The following ERBB4 variants were observed in gnomAD, a reference collection of about 807,000 sequenced individuals.
ERBB4 encodes erb-b2 receptor tyrosine kinase 4, also known as receptor tyrosine-protein kinase erbB-4.
Under a neutral mutation model 158.0 loss-of-function variants are expected in ERBB4, and 42 were observed. The observed-to-expected ratio is 0.27, with a 90% CI of 0.21 to 0.34. The LOEUF (loss-of-function observed/expected upper bound fraction) is 0.34, where lower values mean the gene tolerates loss of function less well. ERBB4 is among the 10% of genes least tolerant of loss of function. ERBB4 has a pLI of 1.00. For missense variants in ERBB4, 1,333 were observed against 1,624.1 expected, an observed-to-expected ratio of 0.82 and a Z score of 3.08; for synonymous variants, 583 against 558.7, an observed-to-expected ratio of 1.04 and a Z score of -0.61.
chr2:211,952,147 T>C (rs2080890715), intron 2 of ERBB4, among the ~76,000 whole-genome samples: 1 of 152,046 alleles, frequency 6.6e-6, no homozygotes, highest in Non-Finnish European at 1.5e-5. Context: ...AAGAAACACA[T>C]CATGCCTTAT....
At chr2:211,721,336 A>G (rs564448356) in intron 7 of ERBB4, among the ~76,000 whole-genome samples, 1 of 151,200 alleles carries the variant, frequency 6.6e-6, no homozygotes, top group African/African-American at 2.4e-5. Context: ...AAGTCACATT[A>G]TATGTATAGC....
chr2:212,375,927 G>C (rs777275173), intron 1 of ERBB4, among the ~76,000 whole-genome samples: 5 of 152,078 alleles, frequency 3.3e-5, no homozygotes, highest in Non-Finnish European at 5.9e-5. Flanking sequence ...GTTTACAAAT[G>C]GATAACTTGT....
At chr2:212,371,756 G>A (rs6435700) in intron 1 of ERBB4, among the ~76,000 whole-genome samples, 24,422 of 151,982 alleles carry the variant, frequency 0.16, 2,921 homozygotes, top group African/African-American at 0.34. Flanking sequence ...GAGGATCAGC[G>A]CACTTTTGGC....
chr2:211,595,448 G>A (rs1418833789), intron 19 of ERBB4, among the ~76,000 whole-genome samples: 41 of 152,012 alleles, frequency 2.7e-4, no homozygotes, highest in Non-Finnish European at 5.9e-5. Flanking sequence ...AAATATATGT[G>A]GTCTGAGATA....
chr2:211,980,391 T>A (rs536805416), intron 2 of ERBB4, among the ~76,000 whole-genome samples: 15 of 152,198 alleles, frequency 9.9e-5, no homozygotes, highest in African/African-American at 2.2e-4. Flanking sequence ...GGTTAAAAAA[T>A]TTTTCATGAG....
At chr2:212,487,583 A>G (rs1262600570) in intron 1 of ERBB4, among the ~76,000 whole-genome samples, 1 of 152,026 alleles carries the variant, frequency 6.6e-6, no homozygotes, top group Non-Finnish European at 1.5e-5. Flanking sequence ...AAATTCAGCA[A>G]ATATGTGTTG....
At chr2:212,160,195 T>C (rs2081162559) in intron 1 of ERBB4, among the ~76,000 whole-genome samples, 1 of 151,964 alleles carries the variant, frequency 6.6e-6, no homozygotes, top group African/African-American at 2.4e-5. Flanking sequence ...AAGAACCAAT[T>C]AGTGTCACAG....
At chr2:211,441,560 T>C (rs1027817901) in intron 20 of ERBB4, among the ~76,000 whole-genome samples, 1 of 152,160 alleles carries the variant, frequency 6.6e-6, no homozygotes, top group Non-Finnish European at 1.5e-5. Flanking sequence ...TTTTGTTTGT[T>C]TGTTTTTCAG....
intron 20 of ERBB4, among the ~76,000 whole-genome samples, chr2:211,439,507 T>G (rs1184399628): frequency 6.6e-6 from 1 of 152,218 alleles, no homozygotes; most frequent in Non-Finnish European, 1.5e-5. Context: ...TGGCTTGTAA[T>G]CTACTGAGTA....
Position 211,772,852 on chromosome 2 carries a change from T to C in ERBB4, c.556+15173A>G, listed in dbSNP as rs1198914275. ...ATATATATACACATATATATATATA[T>C]ATATATATATATATATACACATATA... On this transcript the variant is annotated intron_variant, in intron 4 of 27. Transcript: ENST00000342788. Among the ~76,000 whole-genome samples the C allele has an allele frequency of 2.6e-3, 147 of 57,102 alleles. 3 individuals carry two copies. Among genetic ancestry groups the C allele is most frequent in the African/African-American group, 0.01 (126 of 12,478 alleles). The allele number at this position is 57,102 out of a possible 152,430, so 37.5% of individuals were successfully genotyped here.
intron 20 of ERBB4, among the ~76,000 whole-genome samples, chr2:211,441,283 T>C (rs986005312): frequency 3.3e-5 from 5 of 152,128 alleles, no homozygotes; most frequent in Admixed American, 1.3e-4. Context: ...AATATTACCA[T>C]AGAAGTACCA....
intron 2 of ERBB4, among the ~76,000 whole-genome samples, chr2:211,975,308 G>T (rs530921415): frequency 6.6e-6 from 1 of 152,234 alleles, no homozygotes; most frequent in South Asian, 2.1e-4. Context: ...CTGGCATTAA[G>T]GAAAAACAAT....
At chr2:211,589,921 A>G (rs1356958762) in intron 19 of ERBB4, among the ~76,000 whole-genome samples, 2 of 152,200 alleles carry the variant, frequency 1.3e-5, no homozygotes, top group Non-Finnish European at 2.9e-5. Flanking sequence ...AATTATCATT[A>G]TAAAAACTAT....
At chr2:212,333,243 A>G (rs1213564882) in intron 1 of ERBB4, among the ~76,000 whole-genome samples, 1 of 151,972 alleles carries the variant, frequency 6.6e-6, no homozygotes, top group African/African-American at 2.4e-5. Flanking sequence ...CTAGTTGCCA[A>G]TGTTTGGAGT....
intron 3 of ERBB4, among the ~76,000 whole-genome samples, chr2:211,853,804 CAA>C (rs2077779544): frequency 1.3e-5 from 2 of 152,114 alleles, no homozygotes; most frequent in African/African-American, 4.8e-5. Flanking sequence ...CATTTTACCA[CAA>C]TTTGTCAACA....
At chr2:211,434,462 T>C (rs1423121687) in intron 20 of ERBB4, among the ~76,000 whole-genome samples, 1 of 152,148 alleles carries the variant, frequency 6.6e-6, no homozygotes, top group Non-Finnish European at 1.5e-5. Flanking sequence ...CAACTAGGAA[T>C]CAGGTCCTCA....
In ERBB4 at chr2:212,053,565, C is replaced by A. The variant is rs115389616; in HGVS notation, c.234+71187G>T. Among the ~76,000 whole-genome samples the A allele has an allele frequency of 7.8e-3, 1,194 of 152,268 alleles. 11 individuals are homozygous for A. Among genetic ancestry groups the A allele is most frequent in the African/African-American group, 0.026 (1,095 of 41,546 alleles). ...TGCCATAGTAATTCTAAAAATGCCT[C>A]CATGATTGTGTGACTTTCCAGTTTA... is the stretch of plus-strand genomic sequence containing the variant. On this transcript the variant is annotated intron_variant, in intron 2 of 27. Coordinates refer to ENST00000342788, the MANE Select transcript of ERBB4 (RefSeq NM_005235.3).
At chr2:211,608,370 A>T (rs2069068499) in intron 19 of ERBB4, among the ~76,000 whole-genome samples, 1 of 152,144 alleles carries the variant, frequency 6.6e-6, no homozygotes, top group Non-Finnish European at 1.5e-5. Flanking sequence ...GAGGAGGCAG[A>T]GTAATGGTAT....
In ERBB4 at chr2:212,003,172, A is replaced by G. The variant is rs1350377089; in HGVS notation, c.235-55556T>C. Among the ~76,000 whole-genome samples the G allele has an allele frequency of 1.8e-3, 62 of 34,364 alleles. 2 individuals carry two copies. Among genetic ancestry groups the G allele is most frequent in the Non-Finnish European group, 3.3e-3 (31 of 9,372 alleles). The allele number at this position is 34,364 out of a possible 152,430, so 22.5% of individuals were successfully genotyped here. A position where few individuals can be genotyped will look rare whatever the true frequency, so the allele number is the denominator to read the frequency against. ...AGGAAAGAAAGAAAGAAAGAAAGAA[A>G]GAAAGAAAGAAAGAAAGAAAGAAAG... On this transcript the variant is annotated intron_variant, in intron 2 of 27. Coordinates refer to ENST00000342788, the MANE Select transcript of ERBB4 (RefSeq NM_005235.3).
Sources: gnomAD v4.1 joint callset for allele counts (sites outside exome capture counted in the v4.1 genomes callset) on GRCh38, gnomAD v4.1.1 for gene constraint, MANE v1.5 for transcripts, NCBI Gene and HGNC (gene_info 2026-07-23, HGNC 2026-07-21) for gene names.